Variants in ASB5 observed in about 807,000 individuals in gnomAD.
ASB5 encodes ankyrin repeat and SOCS box protein 5.
A neutral mutation model predicts 42.1 loss-of-function variants in ASB5; 45 were observed. That is an observed-to-expected ratio of 1.07 (90% CI 0.84 to 1.37). The LOEUF is 1.37. ASB5 is among the 40% of genes most tolerant of loss of function. The probability of loss-of-function intolerance (pLI) is 0.00; values close to 1 mark genes in which losing one functional copy is unlikely to be tolerated. For missense variants in ASB5, 402 were observed against 399.8 expected (o/e 1.01, Z -0.05); for synonymous variants, 147 against 150.6 (o/e 0.98, Z 0.18).
intron 1 of ASB5, among the ~76,000 whole-genome samples, chr4:176,251,074 C>T (rs1303215193): frequency 2.6e-5 from 4 of 152,010 alleles, no homozygotes; most frequent in African/African-American, 9.7e-5. Context: ...AAAATCTGAT[C>T]TGCACCATGG....
intron 1 of ASB5, among the ~76,000 whole-genome samples, chr4:176,242,330 G>A (rs1165409373): frequency 1.3e-5 from 2 of 152,108 alleles, no homozygotes; most frequent in East Asian, 3.9e-4. Flanking sequence ...TCACATACTA[G>A]AAATATTTCC....
chr4:176,267,392 A>T (rs1206169907), intron 1 of ASB5, among the ~76,000 whole-genome samples: 3 of 152,176 alleles, frequency 2.0e-5, no homozygotes, highest in Admixed American at 2.0e-4. Flanking sequence ...TCAGAGGCTG[A>T]GGCAGGAGGA....
At chr4:176,257,434 C>T (rs1754176300) in intron 1 of ASB5, among the ~76,000 whole-genome samples, 1 of 152,144 alleles carries the variant, frequency 6.6e-6, no homozygotes, top group African/African-American at 2.4e-5. Flanking sequence ...TTAAAACTCC[C>T]AACTCTGAAC....
chr4:176,224,537 T>A (rs1414140745), intron 2 of ASB5, among the ~76,000 whole-genome samples: 4 of 35,242 alleles, frequency 1.1e-4, no homozygotes, highest in South Asian at 8.2e-4. Flanking sequence ...GCCCAGCTAT[T>A]TTTTTTTTAA....
chr4:176,273,754 T>C (rs1754516248), upstream of ASB5, among the ~76,000 whole-genome samples: 1 of 152,218 alleles, frequency 6.6e-6, no homozygotes, highest in Non-Finnish European at 1.5e-5. Flanking sequence ...GCTCTATTCG[T>C]ATATATATGT....
intron 5 of ASB5, among the ~76,000 whole-genome samples, chr4:176,220,793 G>A (rs887671822): frequency 6.6e-6 from 1 of 152,176 alleles, no homozygotes; most frequent in Admixed American, 6.5e-5. Context: ...TGATGGATTT[G>A]TTCCAAGACA....
At chr4:176,220,579 G>T (rs1753175924) in intron 5 of ASB5, among the ~76,000 whole-genome samples, 2 of 152,160 alleles carry the variant, frequency 1.3e-5, no homozygotes, top group Admixed American at 6.6e-5. Context: ...GCCTCAGTGG[G>T]TTAGGAATGT....
intron 1 of ASB5, among the ~76,000 whole-genome samples, chr4:176,249,721 G>A (rs1753986546): frequency 2.0e-5 from 3 of 151,994 alleles, no homozygotes; most frequent in South Asian, 4.2e-4. Flanking sequence ...GAGGGCTGGG[G>A]AAGCAAAATT....
At chr4:176,232,325 T>C (rs1753570821) in intron 1 of ASB5, among the ~76,000 whole-genome samples, 2 of 152,026 alleles carry the variant, frequency 1.3e-5, no homozygotes, top group Admixed American at 6.6e-5. Flanking sequence ...GGTTTCACCA[T>C]GTTAGTCAGG....
chr4:176,235,744 A>G (rs1753668856), intron 1 of ASB5, among the ~76,000 whole-genome samples: 1 of 151,968 alleles, frequency 6.6e-6, no homozygotes, highest in African/African-American at 2.4e-5. Flanking sequence ...CATTAACAGC[A>G]CTGGGAAAAT....
intron 1 of ASB5, among the ~76,000 whole-genome samples, chr4:176,239,299 T>C (rs915665841): frequency 6.6e-6 from 1 of 152,222 alleles, no homozygotes; most frequent in African/African-American, 2.4e-5. Flanking sequence ...AAAATTAAAT[T>C]AATTAAAAGA....
At chr4:176,254,360 T>A (rs192337692) in intron 1 of ASB5, among the ~76,000 whole-genome samples, 26 of 152,280 alleles carry the variant, frequency 1.7e-4, no homozygotes, top group Non-Finnish European at 1.9e-4. Flanking sequence ...GCTAGCTATA[T>A]GCAGAAAATG....
intron 1 of ASB5, among the ~76,000 whole-genome samples, chr4:176,240,417 T>C (rs1753787356): frequency 2.6e-5 from 4 of 152,306 alleles, no homozygotes; most frequent in African/African-American, 9.6e-5. Context: ...CATGGGGACC[T>C]GTGTCTGGTT....
At chr4:176,252,581 A>T (rs1754064945) in intron 1 of ASB5, among the ~76,000 whole-genome samples, 1 of 152,226 alleles carries the variant, frequency 6.6e-6, no homozygotes, top group Admixed American at 6.5e-5. Context: ...TGAGATGGTC[A>T]GTATTGAGTT....
At chr4:176,263,773 C>T (rs889738164) in intron 1 of ASB5, among the ~76,000 whole-genome samples, 2 of 152,132 alleles carry the variant, frequency 1.3e-5, no homozygotes, top group Admixed American at 6.6e-5. Context: ...CACCAAAAGT[C>T]ACAGGAAACA....
rs562096586 is a variant in ASB5, at chr4:176,265,292, G to A, written c.196+3621C>T. ...TAAATCCATGCCTTGCTCATTCCTG[G>A]AGTCACCTCAAGCTCTGCCTCCTCT... is the stretch of plus-strand genomic sequence containing the variant. On this transcript the variant is annotated intron_variant, in intron 1 of 6. Transcript: ENST00000296525. Among the ~76,000 whole-genome samples, 7 of 152,218 alleles carry A rather than the reference G, an allele frequency of 4.6e-5. No individual in the cohort carries two copies. In the South Asian group the frequency reaches 1.5e-3, roughly 32 times the overall value.
In ASB5 at chr4:176,214,056, C is replaced by G. The variant is rs1047519800; in HGVS notation, c.*1544G>C. ...CTATAAAACACATATTTAAAGGTCC[C>G]TATCCTCATATAAAACATTGTTTAG... On this transcript the variant is annotated 3_prime_UTR_variant, in exon 7 of 7. Coordinates refer to ENST00000296525, the MANE Select transcript of ASB5 (RefSeq NM_080874.4). The G allele has an allele frequency of 6.6e-6, 1 of 152,124 alleles. No homozygotes were observed. Among genetic ancestry groups the G allele is most frequent in the Non-Finnish European group, 1.5e-5 (1 of 67,974 alleles). The allele number at this position is 152,124 out of a possible 1,614,324, so 9.4% of individuals were successfully genotyped here. A position where few individuals can be genotyped will look rare whatever the true frequency, so the allele number is the denominator to read the frequency against.
chr4:176,230,429 G>A (rs1345285302), intron 1 of ASB5, among the ~76,000 whole-genome samples: 6 of 152,066 alleles, frequency 3.9e-5, no homozygotes, highest in Non-Finnish European at 7.4e-5. Context: ...AAGAAATGAA[G>A]CTCTATCAAT....
Position 176,215,546 on chromosome 4 carries a change from A to G in ASB5, c.*54T>C. 6.5e-7 allele frequency: 1 copy of G among 1,549,084 alleles called. No individual in the cohort carries two copies. The highest frequency in any genetic ancestry group is 8.8e-7 in the Non-Finnish European group (1 of 1,130,064). Reference sequence around the variant, plus strand: ...ATATTTTTATATGAACTATTCCTTAAGCAAAAGAAATAGAAATTTTGATTT... The same window carrying G: ...ATATTTTTATATGAACTATTCCTTAGGCAAAAGAAATAGAAATTTTGATTT... On this transcript the variant is annotated 3_prime_UTR_variant, in exon 7 of 7. Coordinates refer to ENST00000296525, the MANE Select transcript of ASB5 (RefSeq NM_080874.4).
Sources: gnomAD v4.1 joint callset for allele counts (sites outside exome capture counted in the v4.1 genomes callset) on GRCh38, gnomAD v4.1.1 for gene constraint, MANE v1.5 for transcripts, NCBI Gene and HGNC (gene_info 2026-07-23, HGNC 2026-07-21) for gene names.